MAP4K3: variants seen among roughly 807,000 people sequenced by gnomAD.
MAP4K3 encodes mitogen-activated protein kinase kinase kinase kinase 3.
Under a neutral mutation model 143.5 loss-of-function variants are expected in MAP4K3, and 94 were observed. The observed-to-expected ratio is 0.65, with a 90% CI of 0.55 to 0.78. The LOEUF is 0.78. Ranked by LOEUF, MAP4K3 falls within the 30% of genes least tolerant of loss-of-function variation. The pLI is 0.00. For synonymous variants in MAP4K3, 416 were observed against 347.2 expected (o/e 1.20, Z -2.20); for missense variants, 1,077 against 1,068.1 (o/e 1.01, Z -0.12).
At chr2:39,367,322 G>A (rs779832139) in intron 2 of MAP4K3, among the ~76,000 whole-genome samples, 5 of 152,102 alleles carry the variant, frequency 3.3e-5, no homozygotes, top group Non-Finnish European at 7.4e-5. Flanking sequence ...CAGGTGGACT[G>A]CTTCAGCCCA....
chr2:39,326,687 C>G (rs1215241846), intron 8 of MAP4K3, among the ~76,000 whole-genome samples: 5 of 152,118 alleles, frequency 3.3e-5, no homozygotes, highest in Non-Finnish European at 7.4e-5. Flanking sequence ...TGTCCCCACC[C>G]AAATCTCATC....
intron 1 of MAP4K3, among the ~76,000 whole-genome samples, chr2:39,408,353 C>T (rs1413173976): frequency 1.3e-5 from 2 of 152,100 alleles, no homozygotes; most frequent in East Asian, 3.9e-4. Context: ...TCTAATTCAG[C>T]ATCTAGATCA....
At chr2:39,349,241 A>C (rs1392216686) in intron 3 of MAP4K3, among the ~76,000 whole-genome samples, 1 of 152,236 alleles carries the variant, frequency 6.6e-6, no homozygotes, top group African/African-American at 2.4e-5. Flanking sequence ...AACTTATTTA[A>C]CGTGAAGAAA....
chr2:39,419,779 G>C (rs529344208), intron 1 of MAP4K3, among the ~76,000 whole-genome samples: 1 of 152,262 alleles, frequency 6.6e-6, no homozygotes, highest in South Asian at 2.1e-4. Flanking sequence ...TCTTCAAGCT[G>C]AATGGCATTC....
intron 23 of MAP4K3, among the ~76,000 whole-genome samples, chr2:39,279,846 G>A (rs545136019): frequency 3.3e-5 from 5 of 152,092 alleles, no homozygotes; most frequent in South Asian, 2.1e-4. Context: ...CTAGCTACTC[G>A]GGTGGCTGAG....
chr2:39,309,325 A>C (rs954743316), intron 14 of MAP4K3, 136 bp downstream of exon 14: 2 of 603,946 alleles, frequency 3.3e-6, no homozygotes, highest in African/African-American at 3.9e-5. Flanking sequence ...GGGTCTTACT[A>C]TGTTGACCAG....
intron 26 of MAP4K3, among the ~76,000 whole-genome samples, chr2:39,269,171 T>C (rs1186354077): frequency 1.3e-5 from 2 of 152,008 alleles, no homozygotes; most frequent in African/African-American, 4.8e-5. Flanking sequence ...ATGTGTGATG[T>C]TCAGTGCAAT....
chr2:39,311,836 A>G (rs1682947355), intron 13 of MAP4K3, among the ~76,000 whole-genome samples: 1 of 152,170 alleles, frequency 6.6e-6, no homozygotes, highest in Non-Finnish European at 1.5e-5. Flanking sequence ...AATCTGTTAG[A>G]GACAATAAAT....
intron 1 of MAP4K3, among the ~76,000 whole-genome samples, chr2:39,434,459 A>T (rs1374005508): frequency 6.6e-6 from 1 of 152,212 alleles, no homozygotes; most frequent in East Asian, 1.9e-4. Context: ...ATTATCTGAT[A>T]TCCACTTGGC....
intron 31 of MAP4K3, among the ~76,000 whole-genome samples, chr2:39,256,086 T>C (rs1680331758): frequency 6.6e-6 from 1 of 152,232 alleles, no homozygotes; most frequent in African/African-American, 2.4e-5. Flanking sequence ...TTTATTGCCT[T>C]TGTGAAAGGG....
intron 28 of MAP4K3, among the ~76,000 whole-genome samples, chr2:39,261,553 T>A (rs1364335997): frequency 1.3e-5 from 2 of 152,200 alleles, no homozygotes; most frequent in African/African-American, 4.8e-5. Flanking sequence ...TAGAGTGGCA[T>A]AGCCAGACTA....
chr2:39,375,034 A>G (rs1666180465), intron 2 of MAP4K3, among the ~76,000 whole-genome samples: 1 of 152,188 alleles, frequency 6.6e-6, no homozygotes, highest in Non-Finnish European at 1.5e-5. Flanking sequence ...GGCCGAGGTG[A>G]GAGGTCTCTT....
rs369656431 is a variant in MAP4K3 at position 39,337,475 on chromosome 2, AAAGC to A, written c.366+47_366+50del. ...GCTGAACAGGTAATGCACAGTAAGT[AAAGC>A]CTTAGTTTAATGAAAAATGTTATTT... On this transcript the variant is annotated intron_variant, in intron 5 of 33. Coordinates refer to ENST00000263881, the MANE Select transcript of MAP4K3 (RefSeq NM_003618.4). The A allele has an allele frequency of 1.6e-3, 2,175 of 1,366,442 alleles. 31 individuals are homozygous for A. The African/African-American group carries it at 0.028, about 18-fold the overall frequency. 84.6% of individuals were successfully genotyped at this position (1,366,442 alleles called of 1,614,324 possible).
At chr2:39,383,512 G>GT (rs1666406378) in intron 1 of MAP4K3, among the ~76,000 whole-genome samples, 6 of 152,006 alleles carry the variant, frequency 3.9e-5, no homozygotes, top group Admixed American at 3.9e-4. Context: ...ATGTCACTAG[G>GT]TATGTGTCCA....
At chr2:39,430,629 T>TA (rs933839537) in intron 1 of MAP4K3, among the ~76,000 whole-genome samples, 29 of 151,958 alleles carry the variant, frequency 1.9e-4, no homozygotes, top group East Asian at 7.7e-4. Flanking sequence ...AATCGTATTT[T>TA]AAAAAAAACA....
chr2:39,308,779 T>C (rs1386982572), intron 14 of MAP4K3, among the ~76,000 whole-genome samples: 1 of 152,140 alleles, frequency 6.6e-6, no homozygotes, highest in Non-Finnish European at 1.5e-5. Flanking sequence ...TCATGCAAAG[T>C]ATATTCATAA....
intron 2 of MAP4K3, among the ~76,000 whole-genome samples, chr2:39,360,209 G>A (rs1346986392): frequency 6.6e-6 from 1 of 152,162 alleles, no homozygotes; most frequent in Non-Finnish European, 1.5e-5. Flanking sequence ...TAGGGCAGGG[G>A]CAAAATGCCG....
intron 3 of MAP4K3, among the ~76,000 whole-genome samples, chr2:39,348,925 ATAAT>A (rs1236129337): frequency 7.2e-5 from 11 of 152,218 alleles, no homozygotes; most frequent in Non-Finnish European, 1.3e-4. Context: ...CAAACTAAGT[ATAAT>A]TATTTATATA....
chr2:39,390,495 C>A, intron 1 of MAP4K3, among the ~76,000 whole-genome samples: 1 of 152,170 alleles, frequency 6.6e-6, no homozygotes, highest in East Asian at 1.9e-4. Context: ...GTGACTGATT[C>A]AATCAATAGC....
Sources: allele counts gnomAD v4.1 joint callset (sites outside exome capture counted in the v4.1 genomes callset), GRCh38; gene constraint gnomAD v4.1.1; transcripts MANE v1.5; gene names NCBI Gene and HGNC (gene_info 2026-07-23, HGNC 2026-07-21).